Variants in PDE4D observed in about 807,000 individuals in gnomAD.
PDE4D encodes the protein 3',5'-cyclic-AMP phosphodiesterase 4D.
PDE4D carries 24 observed loss-of-function variants against 87.4 expected under a neutral mutation model. That is an observed-to-expected ratio of 0.27 (90% CI 0.20 to 0.39). PDE4D has a LOEUF of 0.39. Among genes scored for constraint, PDE4D ranks in the 10% least tolerant of loss-of-function variants. PDE4D has a pLI of 1.00. For synonymous variants in PDE4D, 384 were observed against 383.2 expected (o/e 1.00, Z -0.02); for missense variants, 714 against 1,041.0 (o/e 0.69, Z 4.32).
intron 1 of PDE4D, among the ~76,000 whole-genome samples, chr5:59,364,859 TCCTA>T (rs1330887145): frequency 4.0e-5 from 6 of 151,776 alleles, no homozygotes; most frequent in South Asian, 2.1e-4. Flanking sequence ...CTTCCTTCCT[TCCTA>T]CCTACCTTCC....
chr5:60,414,100 T>C (rs984155269), intron 1 of PDE4D, among the ~76,000 whole-genome samples: 1 of 152,228 alleles, frequency 6.6e-6, no homozygotes, highest in African/African-American at 2.4e-5. Flanking sequence ...GTGATAACAG[T>C]CCTTGTCTGT....
In PDE4D at chr5:60,425,138, C is replaced by T. The variant is rs193248200; in HGVS notation, c.-90+62804G>A. Among the ~76,000 whole-genome samples, 25 of 152,222 alleles carry T rather than the reference C, an allele frequency of 1.6e-4. No homozygotes were observed. The East Asian group carries it at 4.8e-3, about 29-fold the overall frequency. Reference sequence around the variant, plus strand: ...GTAATTTATAGATTCAATGCCATCCCCATCAAGCCACCAATGACTTTCTTC... The same window carrying T: ...GTAATTTATAGATTCAATGCCATCCTCATCAAGCCACCAATGACTTTCTTC... On this transcript the variant is annotated intron_variant, in intron 1 of 16. Transcript: ENST00000502484.
intron 2 of PDE4D, among the ~76,000 whole-genome samples, chr5:60,077,840 C>T (rs1453005738): frequency 1.3e-5 from 2 of 152,194 alleles, no homozygotes; most frequent in African/African-American, 4.8e-5. Context: ...TCCAGAGATC[C>T]ATGCGAGAGT....
At chr5:60,342,172 C>T (rs1374686298) in intron 1 of PDE4D, among the ~76,000 whole-genome samples, 1 of 152,172 alleles carries the variant, frequency 6.6e-6, no homozygotes, top group African/African-American at 2.4e-5. Flanking sequence ...GCTTTATAAT[C>T]AAAAGGCTCA....
chr5:59,478,750 C>A (rs1203486730), intron 1 of PDE4D, among the ~76,000 whole-genome samples: 1 of 151,940 alleles, frequency 6.6e-6, no homozygotes, highest in African/African-American at 2.4e-5. Context: ...CATAAAATAA[C>A]TGAGGATTAT....
chr5:60,422,822 TA>T (rs1743254849), intron 1 of PDE4D, among the ~76,000 whole-genome samples: 1 of 152,088 alleles, frequency 6.6e-6, no homozygotes, highest in African/African-American at 2.4e-5. Flanking sequence ...GAGAAACATA[TA>T]GGTTCAAAAT....
chr5:59,199,817 G>C (rs1295496701), intron 2 of PDE4D, among the ~76,000 whole-genome samples: 1 of 151,732 alleles, frequency 6.6e-6, no homozygotes. Context: ...TAACCTACTT[G>C]ATCTTTATGT....
intron 1 of PDE4D, among the ~76,000 whole-genome samples, chr5:59,532,602 A>G (rs1413570581): frequency 1.3e-5 from 2 of 152,100 alleles, no homozygotes; most frequent in African/African-American, 4.8e-5. Context: ...AAAGAAATGT[A>G]AATTATTGAT....
chr5:59,998,793 GA>G (rs2152837123), intron 2 of PDE4D, among the ~76,000 whole-genome samples: 1 of 152,124 alleles, frequency 6.6e-6, no homozygotes, highest in South Asian at 2.1e-4. Context: ...AAGTTTAGTG[GA>G]AAAATACAAA....
chr5:59,742,133 G>A (rs9292212), intron 1 of PDE4D, among the ~76,000 whole-genome samples: 7,425 of 152,044 alleles, frequency 0.049, 208 homozygotes, highest in South Asian at 0.064. Context: ...GCGCAGTCTC[G>A]GCTCACTGCA....
intron 1 of PDE4D, among the ~76,000 whole-genome samples, chr5:59,840,570 A>G (rs1742837546): frequency 6.6e-6 from 1 of 152,004 alleles, no homozygotes; most frequent in Non-Finnish European, 1.5e-5. Context: ...GAAGGGGCTT[A>G]TCTGAAAAAC....
intron 1 of PDE4D, among the ~76,000 whole-genome samples, chr5:59,813,671 A>T (rs1768637771): frequency 2.0e-5 from 3 of 152,224 alleles, no homozygotes. Context: ...AGCAGGGGAA[A>T]ATACTGTATT....
intron 1 of PDE4D, among the ~76,000 whole-genome samples, chr5:59,286,475 T>C (rs1459834737): frequency 1.3e-5 from 2 of 152,138 alleles, no homozygotes; most frequent in Admixed American, 1.3e-4. Flanking sequence ...AACATCTCAA[T>C]AGGAAATTTT....
At chr5:59,842,947 T>C (rs891395464) in intron 1 of PDE4D, among the ~76,000 whole-genome samples, 7 of 152,018 alleles carry the variant, frequency 4.6e-5, no homozygotes, top group African/African-American at 1.7e-4. Context: ...ACTGGCCAAA[T>C]AGCTAACATA....
intron 1 of PDE4D, among the ~76,000 whole-genome samples, chr5:60,209,187 CTTTTT>C (rs58524375): frequency 1.1e-4 from 12 of 108,500 alleles, no homozygotes; most frequent in Non-Finnish European, 7.4e-5. Flanking sequence ...TTCTTTTTTT[CTTTTT>C]TTTTTTTTTT....
chr5:59,768,116 T>C (rs1763026640), intron 1 of PDE4D: 2 of 1,129,588 alleles, frequency 1.8e-6, no homozygotes, highest in Admixed American at 2.1e-5. Context: ...TTAAGGGAGA[T>C]CACTTGGCCA....
chr5:59,862,508 C>G (rs912126354), intron 1 of PDE4D, among the ~76,000 whole-genome samples: 1 of 152,144 alleles, frequency 6.6e-6, no homozygotes, highest in South Asian at 2.1e-4. Flanking sequence ...ACCTCTGGAA[C>G]CAGACTGGCT....
intron 2 of PDE4D, among the ~76,000 whole-genome samples, chr5:60,121,023 C>T (rs777483620): frequency 6.6e-6 from 1 of 152,094 alleles, no homozygotes; most frequent in Non-Finnish European, 1.5e-5. Context: ...CTGGCCTAGA[C>T]TCCCACTCTA....
At chr5:59,622,865 T>A (rs1322802685) in intron 1 of PDE4D, among the ~76,000 whole-genome samples, 2 of 152,176 alleles carry the variant, frequency 1.3e-5, no homozygotes, top group Non-Finnish European at 2.9e-5. Flanking sequence ...GGGCTAGTTC[T>A]TTTCCAACTC....
Sources: gnomAD v4.1 joint callset for allele counts (sites outside exome capture counted in the v4.1 genomes callset) on GRCh38, gnomAD v4.1.1 for gene constraint, MANE v1.5 for transcripts, NCBI Gene and HGNC (gene_info 2026-07-23, HGNC 2026-07-21) for gene names.